Variants in METTL15 observed in about 807,000 individuals in gnomAD.
METTL15 encodes the protein methyltransferase 15, mitochondrial 12S rRNA N4-cytidine, also known as 12S rRNA N(4)-cytidine methyltransferase METTL15.
In METTL15, 34 loss-of-function variants were observed where a neutral mutation model predicts 38.3. That is an observed-to-expected ratio of 0.89 (90% confidence interval 0.68 to 1.18). The LOEUF (loss-of-function observed/expected upper bound fraction) is 1.18, where lower values mean the gene tolerates loss of function less well. METTL15 is among the 50% of genes most tolerant of loss of function. METTL15 has a pLI of 0.00. For synonymous variants in METTL15, 162 were observed against 170.9 expected, an observed-to-expected ratio of 0.95 and a Z score of 0.41; for missense variants, 438 against 498.4, an observed-to-expected ratio of 0.88 and a Z score of 1.15.
intron 6 of METTL15, among the ~76,000 whole-genome samples, chr11:28,308,391 C>G (rs1857152526): frequency 6.6e-6 from 1 of 151,956 alleles, no homozygotes; most frequent in South Asian, 2.1e-4. Context: ...TTGTATTTCC[C>G]ACGTCTTTCT....
At chr11:28,209,121 A>G (rs1390150316) in intron 3 of METTL15, among the ~76,000 whole-genome samples, 1 of 151,990 alleles carries the variant, frequency 6.6e-6, no homozygotes, top group African/African-American at 2.4e-5. Flanking sequence ...GTAAATTATA[A>G]TCACTCACAT....
At chr11:28,115,128 G>C (rs1390898618) in intron 3 of METTL15, among the ~76,000 whole-genome samples, 1 of 152,176 alleles carries the variant, frequency 6.6e-6, no homozygotes, top group Non-Finnish European at 1.5e-5. Flanking sequence ...GGAATTTGGG[G>C]TGTTGACCCC....
intron 5 of METTL15, among the ~76,000 whole-genome samples, chr11:28,391,138 A>G (rs531651058): frequency 1.1e-4 from 16 of 152,158 alleles, no homozygotes; most frequent in African/African-American, 3.4e-4. Flanking sequence ...GGCTGAGACA[A>G]TGGGGTTTTC....
intron 4 of METTL15, among the ~76,000 whole-genome samples, chr11:28,281,509 A>G (rs1367301351): frequency 6.6e-6 from 1 of 152,194 alleles, no homozygotes; most frequent in Non-Finnish European, 1.5e-5. Context: ...AGCCGTTTTT[A>G]TAGCTCTCTG....
chr11:28,498,490 A>C lies in METTL15; in HGVS notation c.*425-27988A>C, dbSNP rs191437522. Reference sequence around the variant, plus strand: ...TCTTATACTCAGGGATCTAACAGAGAAGCTCAATAGCATTTTCTGAATTGT... The same window carrying C: ...TCTTATACTCAGGGATCTAACAGAGCAGCTCAATAGCATTTTCTGAATTGT... On this transcript the variant is annotated intron_variant and NMD_transcript_variant, in intron 6 of 7. Transcript: ENST00000532947. 3.9e-4 allele frequency among the ~76,000 whole-genome samples: 59 copies of C among 152,322 alleles called. 1 individual carries two copies.
intron 6 of METTL15, among the ~76,000 whole-genome samples, chr11:28,510,954 C>G (rs1851668902): frequency 6.6e-6 from 1 of 152,072 alleles, no homozygotes; most frequent in South Asian, 2.1e-4. Flanking sequence ...ATGTTACAAC[C>G]CTGGGATGAC....
At chr11:28,477,856 T>C (rs1454831926) in intron 6 of METTL15, among the ~76,000 whole-genome samples, 4 of 152,184 alleles carry the variant, frequency 2.6e-5, no homozygotes, top group African/African-American at 9.7e-5. Context: ...AATTTTTCTG[T>C]ATGGTATTTT....
chr11:28,178,842 G>C (rs888156900), intron 3 of METTL15, among the ~76,000 whole-genome samples: 1 of 151,728 alleles, frequency 6.6e-6, no homozygotes, highest in Middle Eastern at 3.2e-3. Context: ...TTTCGTATAT[G>C]TGTATGTTTC....
At chr11:28,249,809 A>G (rs920197924) in intron 4 of METTL15, among the ~76,000 whole-genome samples, 1 of 151,912 alleles carries the variant, frequency 6.6e-6, no homozygotes, top group African/African-American at 2.4e-5. Flanking sequence ...TTTGGCGTAT[A>G]GATTATTTCA....
intron 6 of METTL15, among the ~76,000 whole-genome samples, chr11:28,315,520 G>C (rs1175020032): frequency 6.6e-6 from 1 of 152,202 alleles, no homozygotes; most frequent in Non-Finnish European, 1.5e-5. Context: ...ATAATTTGCA[G>C]CCTGACAATG....
chr11:28,173,983 A>T (rs1421892161), intron 3 of METTL15, among the ~76,000 whole-genome samples: 2 of 152,138 alleles, frequency 1.3e-5, no homozygotes, highest in Non-Finnish European at 2.9e-5. Flanking sequence ...TTCATTGTTG[A>T]TGTTGACCTC....
At chr11:28,117,873 C>CT (rs957973466) in intron 3 of METTL15, among the ~76,000 whole-genome samples, 1 of 152,190 alleles carries the variant, frequency 6.6e-6, no homozygotes, top group African/African-American at 2.4e-5. Flanking sequence ...CTTCCTGAGC[C>CT]TTTTCCCCAA....
rs1485818856 is a variant in METTL15, at chr11:28,290,489, A to G, written c.599+92A>G. On this transcript the variant is annotated intron_variant, in intron 5 of 6. Transcript: ENST00000407364. The stretch of plus-strand genomic sequence containing the variant: ...ATTTTTTTAAGACTACAGAATTTCC[A>G]TTACATGCCTACACCTAACACTACC... The G allele has an allele frequency of 9.5e-6, 11 of 1,163,200 alleles. No homozygotes were observed. The Admixed American group carries it at 1.3e-4, about 13-fold the overall frequency. 72.1% of individuals were successfully genotyped at this position (1,163,200 alleles called of 1,614,324 possible).
At chr11:28,273,487 A>G (rs1433100240) in intron 4 of METTL15, among the ~76,000 whole-genome samples, 1 of 152,122 alleles carries the variant, frequency 6.6e-6, no homozygotes, top group East Asian at 1.9e-4. Context: ...TTAAAAGTTT[A>G]TTAAATCTAC....
intron 3 of METTL15, among the ~76,000 whole-genome samples, chr11:28,194,182 C>G (rs199935558): frequency 3.6e-3 from 44 of 12,188 alleles, no homozygotes; most frequent in Admixed American, 0.023. Context: ...CTTTTTCTCT[C>G]TCTCTCTCTC....
chr11:28,153,453 AG>A (rs1453011979), intron 3 of METTL15, among the ~76,000 whole-genome samples: 5 of 152,084 alleles, frequency 3.3e-5, no homozygotes, highest in African/African-American at 1.2e-4. Flanking sequence ...ATCCTTGGTT[AG>A]TTGAATCCAT....
intron 4 of METTL15, among the ~76,000 whole-genome samples, chr11:28,274,697 T>G (rs1855773182): frequency 6.6e-6 from 1 of 151,998 alleles, no homozygotes; most frequent in African/African-American, 2.4e-5. Flanking sequence ...TTATACATCT[T>G]CCTTTCATTT....
chr11:28,135,966 T>C (rs912883925), intron 3 of METTL15, among the ~76,000 whole-genome samples: 1 of 151,882 alleles, frequency 6.6e-6, no homozygotes, highest in African/African-American at 2.4e-5. Flanking sequence ...TTTCAGCTCT[T>C]CATGAGTCCT....
intron 3 of METTL15, among the ~76,000 whole-genome samples, chr11:28,179,455 T>A: frequency 6.6e-6 from 1 of 151,808 alleles, no homozygotes; most frequent in East Asian, 1.9e-4. Context: ...AAAGCCTGTC[T>A]CAAACATAAC....
Sources: allele counts gnomAD v4.1 joint callset (sites outside exome capture counted in the v4.1 genomes callset), GRCh38; gene constraint gnomAD v4.1.1; transcripts MANE v1.5; gene names NCBI Gene and HGNC (gene_info 2026-07-23, HGNC 2026-07-21).